The following MGAM variants were observed in gnomAD, a reference collection of about 807,000 sequenced individuals.
The protein encoded by MGAM is alpha-1,4-glucosidase.
In MGAM, 253 loss-of-function variants were observed where a neutral mutation model predicts 358.8. That is an observed-to-expected ratio of 0.71 (90% confidence interval 0.64 to 0.78). The LOEUF (loss-of-function observed/expected upper bound fraction) is 0.78. MGAM is among the 30% of genes least tolerant of loss of function. The probability of loss-of-function intolerance (pLI) is 0.00; values close to 1 mark genes in which losing one functional copy is unlikely to be tolerated. For missense variants in MGAM, 3,080 were observed against 3,432.6 expected, an observed-to-expected ratio of 0.90 and a Z score of 2.57; for synonymous variants, 1,105 against 1,227.1, an observed-to-expected ratio of 0.90 and a Z score of 2.08.
At position 142,068,250 on chromosome 7, in the gene MGAM, G is replaced by A. The variant is rs560957589; in HGVS notation, c.5005-397G>A. Among the ~76,000 whole-genome samples the A allele has an allele frequency of 5.7e-5, 8 of 140,066 alleles. No individual in the cohort carries two copies. In the East Asian group the frequency reaches 1.7e-3, roughly 30 times the overall value. 91.9% of individuals were successfully genotyped at this position (140,066 alleles called of 152,430 possible). ...CTGACCTCATGATCTGCCTGACTTG[G>A]ACTCCCAAAGAGCTGGGATTACAGG... is the stretch of plus-strand genomic sequence containing the variant. On this transcript the variant is annotated intron_variant, in intron 42 of 70. Coordinates refer to ENST00000475668, the MANE Select transcript of MGAM (RefSeq NM_001365693.1).
At chr7:142,031,849 G>C (rs1554463928) in intron 13 of MGAM, 56 bp downstream of exon 13, 1 of 1,215,070 alleles carries the variant, frequency 8.2e-7, no homozygotes. Flanking sequence ...GTGTATATCT[G>C]TATCTGTATC....
rs181428180 is a variant in MGAM, at chr7:142,081,445, G to A, written c.6002+500G>A. ...AGGAGCCACCCACATGAGACAGGGC[G>A]AAGGGAAAGAGCATTTCAGACAGAG... On this transcript the variant is annotated intron_variant, in intron 50 of 70. Coordinates refer to ENST00000475668, the MANE Select transcript of MGAM (RefSeq NM_001365693.1). 1.8e-3 allele frequency among the ~76,000 whole-genome samples: 267 copies of A among 145,534 alleles called. 39 individuals carry two copies. The highest frequency in any genetic ancestry group is 3.6e-4 in the Non-Finnish European group (23 of 64,266).
chr7:142,103,044 G>T (rs1325383309), intron 69 of MGAM, among the ~76,000 whole-genome samples: 1 of 152,182 alleles, frequency 6.6e-6, no homozygotes, highest in African/African-American at 2.4e-5. Context: ...CTCCTGTAGA[G>T]TTCAGGGCAG....
At chr7:142,031,814 T>A (rs142117035) in intron 13 of MGAM, 21 bp downstream of exon 13, 4 of 1,472,802 alleles carry the variant, frequency 2.7e-6, no homozygotes, top group Non-Finnish European at 3.8e-6. Flanking sequence ...TACACTTGGA[T>A]TATTAGGTGA....
At position 142,055,889 on chromosome 7, in the gene MGAM, C is replaced by A. The variant is rs1171669916; in HGVS notation, c.3484-111C>A. On this transcript the variant is annotated intron_variant, in intron 28 of 70. Transcript: ENST00000475668. The stretch of plus-strand genomic sequence containing the variant: ...TGTTTCATGTGTTTAGTTTATGTGT[C>A]TAGTTTCATGGAGAAAACTAGAGCC... 7 of 1,450,008 alleles carry A rather than the reference C, an allele frequency of 4.8e-6. No individual in the cohort carries two copies. In the African/African-American group the frequency reaches 8.5e-5, roughly 18 times the overall value. 89.8% of individuals were successfully genotyped at this position (1,450,008 alleles called of 1,614,324 possible).
intron 20 of MGAM, chr7:142,040,515 G>A (rs1433642395): frequency 4.7e-6 from 3 of 631,778 alleles, no homozygotes; most frequent in East Asian, 5.6e-5. Flanking sequence ...AATAGCCTCA[G>A]CATGGCATAA....
At chr7:142,045,107 T>C (rs920145936) in intron 21 of MGAM, among the ~76,000 whole-genome samples, 2 of 72,840 alleles carry the variant, frequency 2.7e-5, no homozygotes, top group African/African-American at 4.7e-5. Flanking sequence ...ATATTATATA[T>C]ACGTGCAATA....
intron 29 of MGAM, 44 bp downstream of exon 29, chr7:142,056,140 A>G (rs1811507302): frequency 2.6e-6 from 4 of 1,534,182 alleles, no homozygotes; most frequent in Non-Finnish European, 3.5e-6. Flanking sequence ...GATACCAATC[A>G]TGCCTGAGTC....
intron 1 of MGAM, among the ~76,000 whole-genome samples, chr7:142,005,042 A>G (rs1805032547): frequency 6.6e-6 from 1 of 152,078 alleles, no homozygotes; most frequent in Non-Finnish European, 1.5e-5. Flanking sequence ...AGATTGCAGG[A>G]AAAATCTACA....
chr7:141,997,382 A>T (rs1055735322), intron 1 of MGAM, among the ~76,000 whole-genome samples: 3 of 152,150 alleles, frequency 2.0e-5, no homozygotes, highest in Admixed American at 1.3e-4. Flanking sequence ...ATGAAGTGGG[A>T]CACTAAATTT....
intron 50 of MGAM, among the ~76,000 whole-genome samples, chr7:142,081,461 T>A (rs1364303179): frequency 1.4e-5 from 2 of 144,768 alleles, no homozygotes; most frequent in Admixed American, 1.4e-4. Flanking sequence ...AAAGAGCATT[T>A]CAGACAGAGG....
At chr7:142,044,916 A>T (rs1203612757) in intron 21 of MGAM, among the ~76,000 whole-genome samples, 19 of 86,898 alleles carry the variant, frequency 2.2e-4, no homozygotes, top group African/African-American at 8.2e-4. Flanking sequence ...AATGTATATT[A>T]TATACACGTG....
intron 50 of MGAM, 111 bp from the exon 51 acceptor site, chr7:142,081,931 T>C (rs755193778): frequency 1.7e-6 from 2 of 1,143,798 alleles, no homozygotes; most frequent in Non-Finnish European, 2.6e-6. Flanking sequence ...GTTTGGGAGA[T>C]GAACAGCTTC....
At chr7:141,998,828 C>A (rs889265884) in intron 1 of MGAM, among the ~76,000 whole-genome samples, 3 of 152,088 alleles carry the variant, frequency 2.0e-5, no homozygotes, top group Non-Finnish European at 4.4e-5. Flanking sequence ...TAAGGAATTG[C>A]CACGCTGTCT....
rs782787435 is a variant in MGAM at position 142,021,053 on chromosome 7, A to C, written c.528A>C (p.Glu176Asp). 13 of 1,611,950 alleles carry C rather than the reference A, an allele frequency of 8.1e-6. 1 individual carries two copies. In the South Asian group the frequency reaches 1.4e-4, roughly 18 times the overall value. ...SNVDNVLLTA[E>D]YQTSNRFHFK... ...TTGACAATGTTCTTCTCACAGCAGA[A>C]TATCAGACATCTAATCGTTTCCACT... Residue 176 changes from glutamate to aspartate, a missense_variant, in exon 5 of 71, where the codon GAA (glutamate) becomes GAC (aspartate). Around this residue, in one of 5 missense-constraint regions of MGAM, gnomAD observed 1,816 missense variants for 1,840.5 expected, o/e 0.99. Transcript: ENST00000475668.
intron 47 of MGAM, 110 bp downstream of exon 47, chr7:142,076,936 C>A: frequency 8.0e-7 from 1 of 1,246,746 alleles, no homozygotes; most frequent in Non-Finnish European, 1.1e-6. Flanking sequence ...ACCTTTGATG[C>A]ATGTTTTGGG....
chr7:142,087,289 C>G (rs1184366781), intron 57 of MGAM, among the ~76,000 whole-genome samples: 3 of 145,736 alleles, frequency 2.1e-5, no homozygotes, highest in Non-Finnish European at 4.7e-5. Flanking sequence ...AAAACTTGCT[C>G]TCTTCTGGGG....
intron 40 of MGAM, among the ~76,000 whole-genome samples, 162 bp downstream of exon 40, chr7:142,065,993 A>G: frequency 9.0e-6 from 1 of 110,686 alleles, no homozygotes; most frequent in African/African-American, 2.9e-5. Context: ...ACAGGGATTT[A>G]CTCTGTTGGC....
chr7:142,065,936 AAAAGGTG>A, intron 40 of MGAM, 105 bp downstream of exon 40: 1 of 1,008,224 alleles, frequency 9.9e-7, no homozygotes, highest in South Asian at 1.7e-5. Flanking sequence ...TATCTTTAAA[AAAAGGTG>A]TTTTTTTTTG....
Sources: allele counts gnomAD v4.1 joint callset (sites outside exome capture counted in the v4.1 genomes callset), GRCh38; gene constraint gnomAD v4.1.1; regional missense constraint gnomAD v4.1.1; transcripts MANE v1.5; gene names NCBI Gene and HGNC (gene_info 2026-07-23, HGNC 2026-07-21).